Variants in MEGF6 observed in about 807,000 individuals in gnomAD.
The protein encoded by MEGF6 is multiple epidermal growth factor-like domains protein 6.
Under a neutral mutation model 207.1 loss-of-function variants are expected in MEGF6, and 184 were observed. The observed-to-expected ratio is 0.89, with a 90% CI of 0.79 to 1.00. The LOEUF (loss-of-function observed/expected upper bound fraction) is 1.00. Among genes scored for constraint, MEGF6 ranks in the 50% least tolerant of loss-of-function variants. The probability of loss-of-function intolerance (pLI) is 0.00; values close to 1 mark genes in which losing one functional copy is unlikely to be tolerated. For synonymous variants in MEGF6, 1,038 were observed against 910.0 expected (o/e 1.14, Z -2.53); for missense variants, 2,282 against 2,202.9 (o/e 1.04, Z -0.72).
rs1291880313 is a variant in MEGF6, at chr1:3,526,689, G to A, written c.482-2443C>T. On this transcript the variant is annotated intron_variant, in intron 4 of 36. Transcript: ENST00000356575. Reference sequence around the variant, plus strand: ...GCCGAGATTACAGGCCTGAGCCACCGTGCCCAGCCCAGGTGACACCTTTTA... The same window carrying A: ...GCCGAGATTACAGGCCTGAGCCACCATGCCCAGCCCAGGTGACACCTTTTA... 3.3e-5 allele frequency among the ~76,000 whole-genome samples: 5 copies of A among 152,018 alleles called. No homozygotes were observed. In the South Asian group the frequency reaches 6.2e-4, roughly 19 times the overall value.
At chr1:3,611,040 C>A (rs1239511558) in intron 1 of MEGF6, 98 bp downstream of exon 1, 10 of 1,336,032 alleles carry the variant, frequency 7.5e-6, no homozygotes, top group African/African-American at 1.6e-5. Context: ...GTTCTGGAGC[C>A]CCAGGGACAA....
chr1:3,496,134 G>A (rs1335926466), intron 29 of MEGF6, 116 bp from the exon 30 acceptor site: 5 of 1,380,964 alleles, frequency 3.6e-6, no homozygotes, highest in Non-Finnish European at 4.7e-6. Context: ...GTCTGCCCCA[G>A]ACAGGGTGGG....
intron 2 of MEGF6, among the ~76,000 whole-genome samples, chr1:3,601,509 C>G (rs1435459327): frequency 6.6e-6 from 1 of 152,208 alleles, no homozygotes; most frequent in Non-Finnish European, 1.5e-5. Flanking sequence ...GATCCCTGAA[C>G]CTCAGCCCTC....
In MEGF6 at chr1:3,511,887, C is replaced by T. The variant is rs933032878; in HGVS notation, c.976+119G>A. 12 of 1,512,668 alleles carry T rather than the reference C, an allele frequency of 7.9e-6. No homozygotes were observed. The African/African-American group carries it at 1.1e-4, about 14-fold the overall frequency. 93.7% of individuals were successfully genotyped at this position (1,512,668 alleles called of 1,614,324 possible). A position where few individuals can be genotyped will look rare whatever the true frequency, so the allele number is the denominator to read the frequency against. ...CCCTCTGCTCACCAAGGGCTCACAC[C>T]CAGGGCTGCCCCTGATTGACAAGGA... On this transcript the variant is annotated intron_variant, in intron 8 of 36. Coordinates refer to ENST00000356575, the MANE Select transcript of MEGF6 (RefSeq NM_001409.4).
In MEGF6 at chr1:3,580,587, C is replaced by G. The variant is rs2101757196; in HGVS notation, c.377-658G>C. On this transcript the variant is annotated intron_variant, in intron 3 of 36. Coordinates refer to ENST00000356575, the MANE Select transcript of MEGF6 (RefSeq NM_001409.4). The stretch of plus-strand genomic sequence containing the variant: ...GAGAGAGGGGCGCCTTGTGGCTTGG[C>G]AGGCAGCCCCGTTACTGACAGACCC... Among the ~76,000 whole-genome samples the G allele has an allele frequency of 2.0e-5, 3 of 152,192 alleles. No homozygotes were observed. In the South Asian group the frequency reaches 6.2e-4, roughly 32 times the overall value.
chr1:3,548,236 C>T (rs565476798), intron 4 of MEGF6, among the ~76,000 whole-genome samples: 17 of 152,350 alleles, frequency 1.1e-4, no homozygotes, highest in East Asian at 3.9e-4. Context: ...CGGAACACAG[C>T]GCGGGCCTTT....
intron 4 of MEGF6, among the ~76,000 whole-genome samples, chr1:3,554,525 G>T (rs539080425): frequency 6.6e-6 from 1 of 152,268 alleles, no homozygotes; most frequent in East Asian, 1.9e-4. Context: ...CCTTTCCTGG[G>T]GCTGATGTAC....
At chr1:3,597,733 C>A (rs138667397) in intron 2 of MEGF6, among the ~76,000 whole-genome samples, 1 of 152,294 alleles carries the variant, frequency 6.6e-6, no homozygotes, top group East Asian at 1.9e-4. Flanking sequence ...GTGACAGACG[C>A]CCCCTCAGAG....
chr1:3,512,392 G>A (rs1180547938), intron 7 of MEGF6, among the ~76,000 whole-genome samples: 3 of 152,240 alleles, frequency 2.0e-5, no homozygotes, highest in Non-Finnish European at 4.4e-5. Context: ...CTTTCCTGGT[G>A]TCAGTGAGGA....
chr1:3,585,410 GT>G (rs1643878999), intron 3 of MEGF6, among the ~76,000 whole-genome samples: 1 of 143,316 alleles, frequency 7.0e-6, no homozygotes, highest in East Asian at 2.1e-4. Flanking sequence ...GTGGGTGTGA[GT>G]GACACATGTC....
intron 1 of MEGF6, among the ~76,000 whole-genome samples, chr1:3,603,262 C>A (rs2101885419): frequency 6.6e-6 from 1 of 152,306 alleles, no homozygotes; most frequent in South Asian, 2.1e-4. Context: ...CATCCAGACC[C>A]CACCGGGCTC....
Position 3,522,461 on chromosome 1 carries a change from A to T in MEGF6, c.604+1663T>A, listed in dbSNP as rs1190971156. Among the ~76,000 whole-genome samples the T allele has an allele frequency of 3.9e-5, 6 of 152,006 alleles. No homozygotes were observed. The South Asian group carries it at 6.2e-4, about 16-fold the overall frequency. On this transcript the variant is annotated intron_variant, in intron 5 of 36. Coordinates refer to ENST00000356575, the MANE Select transcript of MEGF6 (RefSeq NM_001409.4). ...GGCCCTGGCATCTGGCCCGGAGAAG[A>T]CCTTTAAAATGGGCGAGCACCGCAG...
At chr1:3,587,134 C>T (rs1385164367) in intron 3 of MEGF6, among the ~76,000 whole-genome samples, 1 of 152,262 alleles carries the variant, frequency 6.6e-6, no homozygotes, top group Non-Finnish European at 1.5e-5. Flanking sequence ...CAAGGACAAG[C>T]TGTCTGTTGC....
Position 3,611,343 on chromosome 1 carries a change from G to C in MEGF6, c.-75C>G. On this transcript the variant is annotated 5_prime_UTR_variant, in exon 1 of 37. Coordinates refer to ENST00000356575, the MANE Select transcript of MEGF6 (RefSeq NM_001409.4). Reference sequence around the variant, plus strand: ...GGCTCCCCGGAGCCTCCGCCTCCACGTGCGCCATAGGACGCAGCCACAGGT... The same window carrying C: ...GGCTCCCCGGAGCCTCCGCCTCCACCTGCGCCATAGGACGCAGCCACAGGT... 2.9e-6 allele frequency: 4 copies of C among 1,375,812 alleles called. No homozygotes were observed. Among genetic ancestry groups the C allele is most frequent in the Non-Finnish European group, 3.7e-6 (4 of 1,070,648 alleles). The allele number at this position is 1,375,812 out of a possible 1,614,324, so 85.2% of individuals were successfully genotyped here.
chr1:3,575,739 G>A (rs993192171), intron 4 of MEGF6, among the ~76,000 whole-genome samples: 11 of 152,248 alleles, frequency 7.2e-5, no homozygotes, highest in East Asian at 1.9e-4. Context: ...AGAACAGCAC[G>A]GGAAAGACCT....
upstream of MEGF6, chr1:3,611,525 C>G (rs544267919): frequency 3.5e-4 from 131 of 373,336 alleles, 1 homozygote; most frequent in African/African-American, 2.5e-3. Flanking sequence ...GACTCAGAGC[C>G]TGGAAAGCCG....
intron 4 of MEGF6, among the ~76,000 whole-genome samples, chr1:3,532,733 G>A (rs1290188763): frequency 2.6e-5 from 4 of 152,222 alleles, no homozygotes; most frequent in African/African-American, 9.7e-5. Context: ...GAGGGTGCAT[G>A]CTCCCTGGGC....
intron 14 of MEGF6, among the ~76,000 whole-genome samples, chr1:3,506,983 AG>A (rs1382499690): frequency 6.6e-6 from 1 of 152,228 alleles, no homozygotes; most frequent in Admixed American, 6.5e-5. Context: ...GCACGATCCC[AG>A]GGGTGCAGCA....
chr1:3,493,143 G>A (rs1640442940), intron 34 of MEGF6: 1 of 285,754 alleles, frequency 3.5e-6, no homozygotes, highest in South Asian at 4.7e-5. Context: ...CAGCAGGTGA[G>A]CCCCTCCTAT....
Sources: allele counts gnomAD v4.1 joint callset (sites outside exome capture counted in the v4.1 genomes callset), GRCh38; gene constraint gnomAD v4.1.1; transcripts MANE v1.5; gene names NCBI Gene and HGNC (gene_info 2026-07-23, HGNC 2026-07-21).